Variants in ADAMTS12 observed in about 807,000 individuals in gnomAD.
The protein encoded by ADAMTS12 is ADAM metallopeptidase with thrombospondin type 1 motif 12.
In ADAMTS12, 118 loss-of-function variants were observed where a neutral mutation model predicts 167.8. The observed-to-expected ratio is 0.70, with a 90% CI of 0.61 to 0.82. The LOEUF (loss-of-function observed/expected upper bound fraction) is 0.82. Ranked by LOEUF, ADAMTS12 falls within the 40% of genes least tolerant of loss-of-function variation. ADAMTS12 has a pLI of 0.00. For synonymous variants in ADAMTS12, 704 were observed against 716.9 expected, an observed-to-expected ratio of 0.98 and a Z score of 0.29; for missense variants, 1,916 against 1,998.8, an observed-to-expected ratio of 0.96 and a Z score of 0.79.
chr5:33,662,173 T>G, intron 5 of ADAMTS12, 133 bp from the exon 6 acceptor site: 4 of 1,168,894 alleles, frequency 3.4e-6, no homozygotes, highest in East Asian at 2.5e-5. Context: ...TTGGCAGTCA[T>G]GTGGCAGAGG....
chr5:33,758,704 T>C lies in ADAMTS12; in HGVS notation c.490-7156A>G, dbSNP rs1212889393. 5.9e-5 allele frequency among the ~76,000 whole-genome samples: 9 copies of C among 152,214 alleles called. No homozygotes were observed. In the East Asian group the frequency reaches 1.7e-3, roughly 29 times the overall value. On this transcript the variant is annotated intron_variant, in intron 2 of 23. Transcript: ENST00000504830. ...TAGAGAGAAGGAAGCAAGACGGAAT[T>C]GCTCATTAGTAGTTGTCATGGGGGT...
At position 33,583,333 on chromosome 5, in the gene ADAMTS12, C is replaced by T. The variant is rs79210918; in HGVS notation, c.2865+5266G>A. 5.5e-3 allele frequency among the ~76,000 whole-genome samples: 843 copies of T among 152,262 alleles called. 9 individuals carry two copies. The highest frequency in any genetic ancestry group is 0.02 in the African/African-American group (816 of 41,544). ...GCAAATGACTGAATCTCATTCATTCCTATGGCTGAATAGTACTCCACCATG... is the reference window on the plus strand; with the variant it reads ...GCAAATGACTGAATCTCATTCATTCTTATGGCTGAATAGTACTCCACCATG... On this transcript the variant is annotated intron_variant, in intron 18 of 23. Transcript: ENST00000504830.
intron 2 of ADAMTS12, among the ~76,000 whole-genome samples, chr5:33,831,108 T>TAAAA (rs1472152511): frequency 2.0e-5 from 3 of 152,258 alleles, no homozygotes; most frequent in Non-Finnish European, 2.9e-5. Flanking sequence ...GAAGAATGGT[T>TAAAA]AAAACAATTG....
intron 16 of ADAMTS12, among the ~76,000 whole-genome samples, chr5:33,596,560 T>C (rs1383575017): frequency 2.6e-5 from 4 of 152,176 alleles, no homozygotes; most frequent in African/African-American, 7.2e-5. Context: ...TGGGCTCCTG[T>C]CATCTCAGCT....
chr5:33,691,430 T>C (rs1742543279), intron 3 of ADAMTS12, among the ~76,000 whole-genome samples: 1 of 152,230 alleles, frequency 6.6e-6, no homozygotes, highest in African/African-American at 2.4e-5. Flanking sequence ...CATTCTATGA[T>C]GATCTATATG....
At chr5:33,641,301 T>A (rs1447981666) in intron 11 of ADAMTS12, among the ~76,000 whole-genome samples, 2 of 152,178 alleles carry the variant, frequency 1.3e-5, no homozygotes, top group Non-Finnish European at 1.5e-5. Context: ...CTTTAGGGTT[T>A]ATAAAAATCC....
chr5:33,604,378 G>A (rs1371228485), intron 16 of ADAMTS12, among the ~76,000 whole-genome samples: 1 of 152,128 alleles, frequency 6.6e-6, no homozygotes, highest in Non-Finnish European at 1.5e-5. Context: ...GCGCATGCCT[G>A]TAATCCCAGC....
intron 2 of ADAMTS12, among the ~76,000 whole-genome samples, chr5:33,849,676 C>T (rs1749139946): frequency 7.0e-6 from 1 of 143,094 alleles, no homozygotes; most frequent in African/African-American, 2.6e-5. Context: ...ATATGTATTG[C>T]ACAGCAATAT....
rs1379905248 is a variant in ADAMTS12, at chr5:33,524,041, T to C, written c.*3147A>G. The C allele has an allele frequency of 6.6e-6, 1 of 152,242 alleles. No homozygotes were observed. Among genetic ancestry groups the C allele is most frequent in the Non-Finnish European group, 1.5e-5 (1 of 68,044 alleles). 9.4% of individuals were successfully genotyped at this position (152,242 alleles called of 1,614,324 possible). A position where few individuals can be genotyped will look rare whatever the true frequency, so the allele number is the denominator to read the frequency against. ...TGGGATGTTATTATCTAAAACAATA[T>C]AATCTCTCACATTGTGTTTCAGATA... On this transcript the variant is annotated 3_prime_UTR_variant, in exon 24 of 24. Coordinates refer to ENST00000504830, the MANE Select transcript of ADAMTS12 (RefSeq NM_030955.4).
chr5:33,529,174 C>A (rs1458728023), intron 23 of ADAMTS12, among the ~76,000 whole-genome samples: 4 of 152,140 alleles, frequency 2.6e-5, no homozygotes, highest in African/African-American at 4.8e-5. Context: ...CAAATAATTC[C>A]CAGAGTAAGT....
intron 23 of ADAMTS12, among the ~76,000 whole-genome samples, chr5:33,534,262 A>T (rs1183031692): frequency 1.3e-5 from 2 of 152,098 alleles, no homozygotes; most frequent in Non-Finnish European, 2.9e-5. Context: ...TGCCTGGAGG[A>T]CCAGGCTGAA....
At chr5:33,535,914 G>A (rs1391177193) in intron 22 of ADAMTS12, among the ~76,000 whole-genome samples, 3 of 152,064 alleles carry the variant, frequency 2.0e-5, no homozygotes, top group Non-Finnish European at 4.4e-5. Context: ...AGCGGACCCA[G>A]CTCTGTGCCT....
intron 2 of ADAMTS12, among the ~76,000 whole-genome samples, chr5:33,769,137 A>G (rs1745651742): frequency 6.6e-6 from 1 of 152,092 alleles, no homozygotes; most frequent in Non-Finnish European, 1.5e-5. Flanking sequence ...AAATGGGGCA[A>G]GTGACCTCCA....
chr5:33,534,781 G>A, intron 23 of ADAMTS12, 52 bp downstream of exon 23: 4 of 1,561,788 alleles, frequency 2.6e-6, no homozygotes, highest in Middle Eastern at 1.7e-4. Context: ...TATCATGCAG[G>A]ATGACATTTG....
At chr5:33,719,622 A>AG (rs1345751267) in intron 3 of ADAMTS12, among the ~76,000 whole-genome samples, 3 of 152,218 alleles carry the variant, frequency 2.0e-5, no homozygotes, top group Non-Finnish European at 4.4e-5. Context: ...AAGAATCTTA[A>AG]GGGGGTTCAT....
Position 33,657,365 on chromosome 5 carries a change from G to T in ADAMTS12, c.1190+819C>A, listed in dbSNP as rs544209150. Among the ~76,000 whole-genome samples, 16 of 152,302 alleles carry T rather than the reference G, an allele frequency of 1.1e-4. No individual in the cohort carries two copies. In the South Asian group the frequency reaches 2.9e-3, roughly 28 times the overall value. On this transcript the variant is annotated intron_variant, in intron 7 of 23. Coordinates refer to ENST00000504830, the MANE Select transcript of ADAMTS12 (RefSeq NM_030955.4). ...GATCCAGGCTGGTGGATACATGACA[G>T]GCAGGGGATATAATTCAGCTGTTCA...
intron 2 of ADAMTS12, among the ~76,000 whole-genome samples, chr5:33,830,048 G>A (rs948031543): frequency 1.1e-4 from 16 of 152,308 alleles, no homozygotes; most frequent in South Asian, 4.1e-4. Flanking sequence ...CAGGTCAGTG[G>A]CTTTGATATA....
At chr5:33,837,480 T>C (rs1748578026) in intron 2 of ADAMTS12, among the ~76,000 whole-genome samples, 1 of 152,198 alleles carries the variant, frequency 6.6e-6, no homozygotes, top group African/African-American at 2.4e-5. Context: ...ACAAATTCCT[T>C]TGACAATCTA....
intron 2 of ADAMTS12, among the ~76,000 whole-genome samples, chr5:33,855,027 C>T (rs1224215495): frequency 6.6e-6 from 1 of 152,212 alleles, no homozygotes; most frequent in Non-Finnish European, 1.5e-5. Context: ...GGAAACAAGG[C>T]AAGAAGCCTC....
Sources: gnomAD v4.1 joint callset for allele counts (sites outside exome capture counted in the v4.1 genomes callset) on GRCh38, gnomAD v4.1.1 for gene constraint, MANE v1.5 for transcripts, NCBI Gene and HGNC (gene_info 2026-07-23, HGNC 2026-07-21) for gene names.